Variants in DPYSL3 observed in about 807,000 individuals in gnomAD.
The protein encoded by DPYSL3 is dihydropyrimidinase-related protein 3.
In DPYSL3, 16 loss-of-function variants were observed where a neutral mutation model predicts 66.1. The observed-to-expected ratio is 0.24, with a 90% confidence interval of 0.16 to 0.37. The LOEUF (loss-of-function observed/expected upper bound fraction) is 0.37. Ranked by LOEUF, DPYSL3 falls within the 10% of genes least tolerant of loss-of-function variation. DPYSL3 has a pLI of 1.00. For synonymous variants in DPYSL3, 338 were observed against 345.1 expected, an observed-to-expected ratio of 0.98 and a Z score of 0.23; for missense variants, 738 against 916.2, an observed-to-expected ratio of 0.81 and a Z score of 2.51.
At chr5:147,465,582 G>A (rs541154049) in intron 1 of DPYSL3, among the ~76,000 whole-genome samples, 1 of 152,134 alleles carries the variant, frequency 6.6e-6, no homozygotes, top group Non-Finnish European at 1.5e-5. Flanking sequence ...TTACAGGGGT[G>A]AGCCACTGTT....
intron 1 of DPYSL3, among the ~76,000 whole-genome samples, chr5:147,507,180 G>A (rs1262681693): frequency 1.3e-5 from 2 of 152,074 alleles, no homozygotes; most frequent in African/African-American, 2.4e-5. Flanking sequence ...GGGGTTGTTT[G>A]TTACTATGGC....
intron 1 of DPYSL3, among the ~76,000 whole-genome samples, chr5:147,470,570 A>G (rs533295518): frequency 6.6e-6 from 1 of 152,166 alleles, no homozygotes; most frequent in East Asian, 1.9e-4. Flanking sequence ...CAGTATTCTC[A>G]GACTAAAACT....
chr5:147,483,748 C>T (rs566335339), intron 1 of DPYSL3, among the ~76,000 whole-genome samples: 71 of 152,204 alleles, frequency 4.7e-4, no homozygotes, highest in African/African-American at 1.6e-3. Flanking sequence ...GTGGACCTCA[C>T]CCGGAGAAAG....
Position 147,510,027 on chromosome 5 carries a change from G to A in DPYSL3, c.-169C>T. 2 of 1,154,348 alleles carry A rather than the reference G, an allele frequency of 1.7e-6. No homozygotes were observed. The highest frequency in any genetic ancestry group is 2.3e-6 in the Non-Finnish European group (2 of 854,782). The allele number at this position is 1,154,348 out of a possible 1,614,324, so 71.5% of individuals were successfully genotyped here. On this transcript the variant is annotated 5_prime_UTR_variant, in exon 1 of 14. Transcript: ENST00000343218. ...TCCTGCTTGTCCCTAGCGAGCCAGC[G>A]AGCCACACAGCCAGCTAGCGCGCGG...
At chr5:147,461,753 G>A (rs954354646) in intron 1 of DPYSL3, among the ~76,000 whole-genome samples, 15 of 152,160 alleles carry the variant, frequency 9.9e-5, no homozygotes, top group Non-Finnish European at 1.6e-4. Flanking sequence ...CTTGGTCTAC[G>A]TTTGGCTTAC....
intron 1 of DPYSL3, among the ~76,000 whole-genome samples, chr5:147,478,876 C>T (rs1271371489): frequency 6.6e-6 from 1 of 152,108 alleles, no homozygotes; most frequent in Non-Finnish European, 1.5e-5. Context: ...GTGTCAGCCT[C>T]GGGACACTGT....
chr5:147,494,802 C>A (rs1753474201), intron 1 of DPYSL3, among the ~76,000 whole-genome samples: 1 of 150,744 alleles, frequency 6.6e-6, no homozygotes, highest in African/African-American at 2.4e-5. Flanking sequence ...TGGCATGAAC[C>A]CGGGAGGCAG....
intron 5 of DPYSL3, 96 bp downstream of exon 5, chr5:147,413,500 G>T: frequency 1.0e-6 from 1 of 963,442 alleles, no homozygotes; most frequent in Non-Finnish European, 1.6e-6. Flanking sequence ...GTCTCCCACA[G>T]TGACCACAGT....
At position 147,491,224 on chromosome 5, in the gene DPYSL3, C is replaced by T. The variant is rs75260763; in HGVS notation, c.381+18254G>A. On this transcript the variant is annotated intron_variant, in intron 1 of 13. Coordinates refer to ENST00000343218, the MANE Select transcript of DPYSL3 (RefSeq NM_001197294.2). ...AAGGTGCCAGCACAATACTGAGAAG[C>T]ACTTGAAACATTCACAGTCCAGGGT... Among the ~76,000 whole-genome samples the T allele has an allele frequency of 1.0e-3, 159 of 152,300 alleles. 3 individuals carry two copies. The East Asian group carries it at 0.023, about 22-fold the overall frequency.
chr5:147,391,996 A>C lies in DPYSL3; in HGVS notation c.*2039T>G, dbSNP rs1231569208. The C allele has an allele frequency of 6.6e-6, 1 of 152,248 alleles. No individual in the cohort carries two copies. Among genetic ancestry groups the C allele is most frequent in the Admixed American group, 6.5e-5 (1 of 15,294 alleles). 9.4% of individuals were successfully genotyped at this position (152,248 alleles called of 1,614,324 possible). A position where few individuals can be genotyped will look rare whatever the true frequency, so the allele number is the denominator to read the frequency against. On this transcript the variant is annotated 3_prime_UTR_variant, in exon 14 of 14. Transcript: ENST00000343218. ...TGAGTAACAGCAGAGCAGAGAGTGCAGAAGTGGACGCTCAGAAGCGAGTTT... is the reference window on the plus strand; with the variant it reads ...TGAGTAACAGCAGAGCAGAGAGTGCCGAAGTGGACGCTCAGAAGCGAGTTT...
intron 2 of DPYSL3, 36 bp from the exon 3 acceptor site, chr5:147,418,667 CT>C: frequency 3.3e-6 from 5 of 1,533,220 alleles, no homozygotes; most frequent in Non-Finnish European, 4.4e-6. Context: ...TGATCAAACA[CT>C]TGGTCATTTA....
In DPYSL3 at chr5:147,392,226, A is replaced by G. The variant is rs1203832703; in HGVS notation, c.*1809T>C. On this transcript the variant is annotated 3_prime_UTR_variant, in exon 14 of 14. Coordinates refer to ENST00000343218, the MANE Select transcript of DPYSL3 (RefSeq NM_001197294.2). ...TTCCCTTTTACTACATCTCCCTTAA[A>G]AGAAAAGCACTACAAGAGCTTTAAA... The G allele has an allele frequency of 2.0e-5, 3 of 152,212 alleles. No homozygotes were observed. Among genetic ancestry groups the G allele is most frequent in the African/African-American group, 7.2e-5 (3 of 41,456 alleles). 9.4% of individuals were successfully genotyped at this position (152,212 alleles called of 1,614,324 possible).
intron 6 of DPYSL3, 68 bp from the exon 7 acceptor site, chr5:147,408,864 G>A: frequency 6.8e-7 from 1 of 1,472,216 alleles, no homozygotes; most frequent in Non-Finnish European, 9.5e-7. Flanking sequence ...ACGCTGGTAT[G>A]TTCTGATCTA....
chr5:147,463,125 C>G (rs918549226), intron 1 of DPYSL3, among the ~76,000 whole-genome samples: 5 of 152,272 alleles, frequency 3.3e-5, no homozygotes, highest in Middle Eastern at 3.4e-3. Flanking sequence ...TCTAGTCTCC[C>G]ATGTCATCCA....
At chr5:147,492,060 T>C (rs956271032) in intron 1 of DPYSL3, among the ~76,000 whole-genome samples, 1 of 151,972 alleles carries the variant, frequency 6.6e-6, no homozygotes, top group Non-Finnish European at 1.5e-5. Context: ...GGGGGGGAAA[T>C]ACCTTCCCTA....
chr5:147,507,446 C>A (rs1272882654), intron 1 of DPYSL3, among the ~76,000 whole-genome samples: 1 of 151,866 alleles, frequency 6.6e-6, no homozygotes, highest in East Asian at 1.9e-4. Context: ...ATCATTTTGC[C>A]AGCTATGTGG....
intron 13 of DPYSL3, 55 bp from the exon 14 acceptor site, chr5:147,394,178 G>GGGA: frequency 3.8e-6 from 6 of 1,573,588 alleles, no homozygotes; most frequent in Non-Finnish European, 5.2e-6. Context: ...GGCGGGTAGG[G>GGGA]GGATGTGGGC....
At chr5:147,476,932 T>G (rs114237436) in intron 1 of DPYSL3, among the ~76,000 whole-genome samples, 4,025 of 152,250 alleles carry the variant, frequency 0.026, 78 homozygotes, top group South Asian at 0.039. Context: ...ATCAGGTTCA[T>G]CAGATTCTTT....
chr5:147,402,340 A>AT (rs1758206874), intron 8 of DPYSL3, among the ~76,000 whole-genome samples: 2 of 106,196 alleles, frequency 1.9e-5, no homozygotes, highest in African/African-American at 8.7e-5. Context: ...GACTCTCATG[A>AT]CTTTTTTTTT....
Sources: gnomAD v4.1 joint callset for allele counts (sites outside exome capture counted in the v4.1 genomes callset) on GRCh38, gnomAD v4.1.1 for gene constraint, MANE v1.5 for transcripts, NCBI Gene and HGNC (gene_info 2026-07-23, HGNC 2026-07-21) for gene names.